Variants in FREM1 observed in about 807,000 individuals in gnomAD.
The protein encoded by FREM1 is FRAS1 related extracellular matrix 1, also known as FRAS1-related extracellular matrix protein 1.
FREM1 carries 220 observed loss-of-function variants against 210.1 expected under a neutral mutation model. That is an observed-to-expected ratio of 1.05 (90% CI 0.94 to 1.17). FREM1 has a LOEUF of 1.17. Ranked by LOEUF, FREM1 falls within the 50% of genes most tolerant of loss-of-function variation. FREM1 has a pLI of 0.00. For missense variants in FREM1, 3,454 were observed against 2,675.5 expected (o/e 1.29, Z -6.42); for synonymous variants, 1,189 against 980.2 (o/e 1.21, Z -3.98).
chr9:14,739,788 CA>C (rs947053384), intron 36 of FREM1, among the ~76,000 whole-genome samples: 12 of 151,592 alleles, frequency 7.9e-5, no homozygotes, highest in African/African-American at 2.9e-4. Flanking sequence ...TAATGGCTTG[CA>C]AAAACATTAA....
In FREM1 at chr9:14,824,839, C is replaced by T. The variant is rs372511864; in HGVS notation, c.2035G>A (p.Val679Ile). 1 of 1,612,862 alleles carries T rather than the reference C, an allele frequency of 6.2e-7. No individual in the cohort carries two copies. The highest frequency in any genetic ancestry group is 1.3e-5 in the African/African-American group (1 of 74,842). The change falls in exon 11 of 37, where the codon GTC becomes ATC. Residue 679 changes from valine (V) to isoleucine (I), a missense_variant. Val to Ile is a conservative substitution (Grantham distance 29). Coordinates refer to ENST00000380880, the MANE Select transcript of FREM1 (RefSeq NM_001379081.2). The stretch of plus-strand genomic sequence containing the variant: ...AATGGAGGAGTAGTTATTGTGTAGA[C>T]CAGCTCCCTGTCATATGATTCTGAA... ...IDSESYDRELVYTITTPPFFS... is the reference protein window; with the variant it reads ...IDSESYDRELIYTITTPPFFS...
chr9:14,759,044 G>A (rs956381232), intron 28 of FREM1, among the ~76,000 whole-genome samples: 1 of 152,118 alleles, frequency 6.6e-6, no homozygotes, highest in Non-Finnish European at 1.5e-5. Flanking sequence ...TCTTGGGACT[G>A]AAATTTGCTC....
chr9:14,843,776 G>C (rs1414272469), intron 8 of FREM1, among the ~76,000 whole-genome samples: 1 of 119,690 alleles, frequency 8.4e-6, no homozygotes, highest in African/African-American at 3.2e-5. Context: ...AAATTCTCAA[G>C]CCTTACCCTG....
intron 1 of FREM1, among the ~76,000 whole-genome samples, chr9:14,904,804 C>T (rs549595960): frequency 1.6e-4 from 24 of 152,268 alleles, no homozygotes; most frequent in Non-Finnish European, 3.2e-4. Context: ...TCTTGCATGA[C>T]TCTCCTCCTT....
rs529625464 is a variant in FREM1, at chr9:14,823,195, T to C, written c.2302A>G (p.Ile768Val). 1.2e-6 allele frequency: 2 copies of C among 1,613,918 alleles called. No homozygotes were observed. Among genetic ancestry groups the C allele is most frequent in the East Asian group, 2.2e-5 (1 of 44,872 alleles). ...GGTLHGICFN[I>V]TILPVDNQVP... ...TGATTGTCCACTGGGAGGATTGTAA[T>C]GTTAAAGCAGATCCCATGCAAAGTA... Residue 768 changes from isoleucine (I) to valine (V), a missense_variant, in exon 13 of 37, where the codon ATT (isoleucine) becomes GTT (valine). By Grantham distance (29) the Ile-to-Val change is conservative (BLOSUM62 3). Transcript: ENST00000380880.
intron 3 of FREM1, among the ~76,000 whole-genome samples, chr9:14,860,594 C>CACAT (rs1480365766): frequency 1.2e-5 from 1 of 84,196 alleles, no homozygotes; most frequent in African/African-American, 6.9e-5. Context: ...CATATATATA[C>CACAT]ATATATACAC....
At chr9:14,879,591 G>A (rs950169853) in intron 1 of FREM1, among the ~76,000 whole-genome samples, 3 of 152,178 alleles carry the variant, frequency 2.0e-5, no homozygotes, top group African/African-American at 7.2e-5. Context: ...TGTCAAGAAG[G>A]GGATGGTTAA....
intron 6 of FREM1, among the ~76,000 whole-genome samples, chr9:14,849,732 CT>C (rs897465265): frequency 2.4e-4 from 36 of 152,184 alleles, no homozygotes; most frequent in African/African-American, 7.7e-4. Flanking sequence ...TCCACACAAC[CT>C]GAAAACTGTG....
intron 35 of FREM1, 50 bp from the exon 36 acceptor site, chr9:14,740,284 T>G: frequency 7.6e-7 from 1 of 1,314,778 alleles, no homozygotes; most frequent in Non-Finnish European, 1.1e-6. Flanking sequence ...TTAACATTTC[T>G]GCTGATACGA....
At chr9:14,820,026 C>T (rs117494027) in intron 13 of FREM1, among the ~76,000 whole-genome samples, 4,612 of 152,208 alleles carry the variant, frequency 0.03, 78 homozygotes, top group Non-Finnish European at 0.037. Flanking sequence ...ATATTAAAGC[C>T]ACAAAGATAA....
intron 29 of FREM1, among the ~76,000 whole-genome samples, chr9:14,755,708 T>G (rs971989904): frequency 1.3e-5 from 2 of 152,252 alleles, no homozygotes; most frequent in African/African-American, 4.8e-5. Flanking sequence ...GCTAAAATAC[T>G]GCCTCCCGTG....
In FREM1 at chr9:14,808,067, G is replaced by A. The variant is rs757297333; in HGVS notation, c.2961C>T (p.Gly987=). ...TGTAGCAACAGCCATTCACAAAAGGGCCAGCCTCTCCATCCGAAACCACCA... is the reference window on the plus strand; with the variant it reads ...TGTAGCAACAGCCATTCACAAAAGGACCAGCCTCTCCATCCGAAACCACCA... ...ITLVVSDGEA[G]PFVNGCCYNG... Residue 987 remains glycine (G), a synonymous_variant, in exon 17 of 37, where the codon GGC becomes GGT. Coordinates refer to ENST00000380880, the MANE Select transcript of FREM1 (RefSeq NM_001379081.2). The A allele has an allele frequency of 4.3e-6, 7 of 1,613,174 alleles. No homozygotes were observed. Among genetic ancestry groups the A allele is most frequent in the Admixed American group, 1.7e-5 (1 of 59,988 alleles).
At chr9:14,750,544 A>G (rs1429956637) in intron 29 of FREM1, among the ~76,000 whole-genome samples, 1 of 152,230 alleles carries the variant, frequency 6.6e-6, no homozygotes, top group Non-Finnish European at 1.5e-5. Flanking sequence ...AAAAATGGTT[A>G]TTAGATGAGA....
At chr9:14,801,164 A>C (rs1445941054) in intron 20 of FREM1, among the ~76,000 whole-genome samples, 1 of 151,976 alleles carries the variant, frequency 6.6e-6, no homozygotes, top group Non-Finnish European at 1.5e-5. Flanking sequence ...CACTCGGCTA[A>C]TTTTTGTATT....
intron 24 of FREM1, 179 bp downstream of exon 24, chr9:14,784,191 C>T (rs1004681193): frequency 5.0e-5 from 26 of 515,444 alleles, no homozygotes; most frequent in Non-Finnish European, 7.0e-5. Context: ...ATTTTTTTCT[C>T]CTTTTCTTTC....
intron 8 of FREM1, among the ~76,000 whole-genome samples, chr9:14,845,493 C>T (rs1055863779): frequency 1.3e-5 from 2 of 152,026 alleles, no homozygotes; most frequent in Admixed American, 6.6e-5. Flanking sequence ...TCAGTAGAGA[C>T]GGAGTTTTAC....
chr9:14,769,375 A>T (rs967294609), intron 27 of FREM1, among the ~76,000 whole-genome samples: 1 of 152,160 alleles, frequency 6.6e-6, no homozygotes, highest in East Asian at 1.9e-4. Flanking sequence ...TCCTAGAGTG[A>T]CCTCTTGCTG....
At chr9:14,796,860 T>C (rs7038300) in intron 21 of FREM1, among the ~76,000 whole-genome samples, 148,162 of 152,288 alleles carry the variant, frequency 0.97, 72,207 homozygotes, top group Middle Eastern at 1. Flanking sequence ...TACTCAGTCT[T>C]GGGTATGTCC....
At chr9:14,857,774 G>A (rs1829059736) in intron 4 of FREM1, 25 bp from the exon 5 acceptor site, 3 of 1,521,960 alleles carry the variant, frequency 2.0e-6, no homozygotes, top group Non-Finnish European at 1.8e-6. Flanking sequence ...ACTGGATTAA[G>A]AGAGTCACTT....
Sources: allele counts gnomAD v4.1 joint callset (sites outside exome capture counted in the v4.1 genomes callset), GRCh38; gene constraint gnomAD v4.1.1; transcripts MANE v1.5; gene names NCBI Gene and HGNC (gene_info 2026-07-23, HGNC 2026-07-21).